The following LGI2 variants were observed in gnomAD, a reference collection of about 807,000 sequenced individuals.
The protein encoded by LGI2 is leucine rich repeat LGI family member 2.
Under a neutral mutation model 52.0 loss-of-function variants are expected in LGI2, and 30 were observed. The ratio of observed to expected loss-of-function variants is 0.58; its 90% CI spans 0.43 to 0.78. The LOEUF is 0.78. LGI2 is among the 30% of genes least tolerant of loss of function. The probability of loss-of-function intolerance (pLI) is 0.00; values close to 1 mark genes in which losing one functional copy is unlikely to be tolerated. For synonymous variants in LGI2, 270 were observed against 271.8 expected (o/e 0.99, Z 0.06); for missense variants, 573 against 692.5 (o/e 0.83, Z 1.94).
At position 25,008,553 on chromosome 4, in the gene LGI2, C is replaced by CA. The variant is rs33920247; in HGVS notation, c.820+3781dup. On this transcript the variant is annotated intron_variant, in intron 7 of 7. Coordinates refer to ENST00000382114, the MANE Select transcript of LGI2 (RefSeq NM_018176.4). ...GGGTGACAAGAGTGAGACTCTGTCT[C>CA]AAAAAAAAAAAAAAAAAAAAAATCC... 5.4e-3 allele frequency among the ~76,000 whole-genome samples: 464 copies of CA among 85,776 alleles called. 9 individuals carry two copies. The highest frequency in any genetic ancestry group is 0.013 in the African/African-American group (299 of 22,444). The allele number at this position is 85,776 out of a possible 152,430, so 56.3% of individuals were successfully genotyped here.
chr4:25,021,397 T>A (rs2109421209), intron 4 of LGI2, among the ~76,000 whole-genome samples: 1 of 152,354 alleles, frequency 6.6e-6, no homozygotes, highest in South Asian at 2.1e-4. Context: ...TCTCTTTTCC[T>A]ATGCATGTGA....
rs190252513 is a variant in LGI2 at position 25,003,159 on chromosome 4, G to C, written c.*292C>G. 6 of 245,330 alleles carry C rather than the reference G, an allele frequency of 2.4e-5. No individual in the cohort carries two copies. The East Asian group carries it at 5.1e-4, about 21-fold the overall frequency. 15.2% of individuals were successfully genotyped at this position (245,330 alleles called of 1,614,324 possible). On this transcript the variant is annotated 3_prime_UTR_variant, in exon 8 of 8. Coordinates refer to ENST00000382114, the MANE Select transcript of LGI2 (RefSeq NM_018176.4). ...TGTCTTCTTCCTCATCAAAAAGCGGGGGGGAAGCATATTACATTTCTAGAT... is the reference window on the plus strand; with the variant it reads ...TGTCTTCTTCCTCATCAAAAAGCGGCGGGGAAGCATATTACATTTCTAGAT...
At chr4:24,997,632 CT>C (rs1353574706), downstream of LGI2, among the ~76,000 whole-genome samples, 1 of 152,140 alleles carries the variant, frequency 6.6e-6, no homozygotes, top group Non-Finnish European at 1.5e-5. Context: ...TGGATGGTTG[CT>C]TATGGTTAGT....
chr4:25,006,932 A>C (rs925791883), intron 7 of LGI2, among the ~76,000 whole-genome samples: 2 of 152,268 alleles, frequency 1.3e-5, no homozygotes, highest in Admixed American at 1.3e-4. Flanking sequence ...CAGTTGTACT[A>C]TAAATGTGAA....
rs532500826 is a variant in LGI2 at position 25,010,087 on chromosome 4, C to G, written c.820+2248G>C. ...AGAAGGGCAGGAGTTCAAGACCAGC[C>G]TGGCCAACATAGTGAAACCCCGTCT... is the stretch of plus-strand genomic sequence containing the variant. On this transcript the variant is annotated intron_variant, in intron 7 of 7. Transcript: ENST00000382114. Among the ~76,000 whole-genome samples, 3 of 152,144 alleles carry G rather than the reference C, an allele frequency of 2.0e-5. No individual in the cohort carries two copies. In the South Asian group the frequency reaches 6.2e-4, roughly 32 times the overall value.
At position 25,016,229 on chromosome 4, in the gene LGI2, G is replaced by A. The variant is rs1396859404; in HGVS notation, c.655+1760C>T. Among the ~76,000 whole-genome samples the A allele has an allele frequency of 3.9e-5, 6 of 152,174 alleles. No homozygotes were observed. In the East Asian group the frequency reaches 5.8e-4, roughly 15 times the overall value. ...TGTAGAAATTATTTCCTATTCCCAC[G>A]GCCCTATAGCCCATTACTTCCATCA... is the stretch of plus-strand genomic sequence containing the variant. On this transcript the variant is annotated intron_variant, in intron 6 of 7. Transcript: ENST00000382114.
rs955271926 is a variant in LGI2, at chr4:25,004,901, A to G, written c.821-633T>C. ...GGTGGAAGCAACCCAAGTTGCTTCAATGGACAAATAGATAGACAAAATGTG... is the reference window on the plus strand; with the variant it reads ...GGTGGAAGCAACCCAAGTTGCTTCAGTGGACAAATAGATAGACAAAATGTG... On this transcript the variant is annotated intron_variant, in intron 7 of 7. Transcript: ENST00000382114. The surrounding 1 kb of genome is among the most constrained non-coding windows in gnomAD (Gnocchi z 4.6). Among the ~76,000 whole-genome samples the G allele has an allele frequency of 3.3e-5, 5 of 152,242 alleles. No homozygotes were observed. Among genetic ancestry groups the G allele is most frequent in the Non-Finnish European group, 7.3e-5 (5 of 68,046 alleles).
At chr4:25,010,909 C>A (rs948822278) in intron 7 of LGI2, among the ~76,000 whole-genome samples, 1 of 151,898 alleles carries the variant, frequency 6.6e-6, no homozygotes, top group Non-Finnish European at 1.5e-5. Flanking sequence ...ATAGTGAGAC[C>A]CTGTCTCTAC....
chr4:25,030,205 G>A (rs1726292373), intron 1 of LGI2, among the ~76,000 whole-genome samples: 1 of 152,186 alleles, frequency 6.6e-6, no homozygotes, highest in South Asian at 2.1e-4. Flanking sequence ...CAGAGCAGCT[G>A]GATTCTGCAT....
At chr4:25,013,897 A>T (rs559119070) in intron 6 of LGI2, among the ~76,000 whole-genome samples, 1 of 152,218 alleles carries the variant, frequency 6.6e-6, no homozygotes, top group African/African-American at 2.4e-5. Context: ...TGGCACTAGC[A>T]GTGCCAACAG....
In LGI2 at chr4:25,016,485, C is replaced by G. The variant is rs903676450; in HGVS notation, c.655+1504G>C. On this transcript the variant is annotated intron_variant, in intron 6 of 7. Coordinates refer to ENST00000382114, the MANE Select transcript of LGI2 (RefSeq NM_018176.4). ...TGGTGCAAATGTTATCGACTACGAC[C>G]TCTGATTTATTGTCCTGGCCCTAAA... 1.4e-4 allele frequency among the ~76,000 whole-genome samples: 22 copies of G among 152,186 alleles called. 1 individual carries two copies. The highest frequency in any genetic ancestry group is 2.6e-4 in the Admixed American group (4 of 15,278).
At chr4:25,025,037 T>C (rs746046507) in intron 3 of LGI2, 146 bp from the exon 4 acceptor site, 8 of 575,186 alleles carry the variant, frequency 1.4e-5, no homozygotes, top group Admixed American at 3.4e-5. Context: ...CTACACCAAA[T>C]TCCATGTGGT....
rs757326545 is a variant in LGI2, at chr4:25,003,350, T to A, written c.*101A>T. Reference sequence around the variant, plus strand: ...TCTAACTATTTCAGTGCTTTTTAATTTCAGAGCTCTGAGCCTGGCTTTGAT... The same window carrying A: ...TCTAACTATTTCAGTGCTTTTTAATATCAGAGCTCTGAGCCTGGCTTTGAT... On this transcript the variant is annotated 3_prime_UTR_variant, in exon 8 of 8. Transcript: ENST00000382114. The A allele has an allele frequency of 1.3e-5, 11 of 836,344 alleles. No homozygotes were observed. The highest frequency in any genetic ancestry group is 2.0e-5 in the Non-Finnish European group (11 of 546,740). 51.8% of individuals were successfully genotyped at this position (836,344 alleles called of 1,614,324 possible). A position where few individuals can be genotyped will look rare whatever the true frequency, so the allele number is the denominator to read the frequency against.
chr4:25,011,081 C>CAAA (rs35953611), intron 7 of LGI2, among the ~76,000 whole-genome samples: 1 of 136,966 alleles, frequency 7.3e-6, no homozygotes. Context: ...GAGCCTGTCT[C>CAAA]AAAAAAAAAA....
rs778734753 is a variant in LGI2, at chr4:25,019,223, G to A, written c.429C>T (p.Asn143=). Residue 143 remains asparagine, a synonymous_variant, in exon 5 of 8, where the codon AAC becomes AAT. Transcript: ENST00000382114. ...RDLTHLSLAN[N]HIKALPRDVF... ...CATCCCTTGGTAGTGCTTTTATGTG[G>A]TTATTGGCCAAAGAACTAGAACAAG... The A allele has an allele frequency of 1.9e-6, 3 of 1,607,302 alleles. No individual in the cohort carries two copies. The highest frequency in any genetic ancestry group is 2.6e-6 in the Non-Finnish European group (3 of 1,175,804).
At position 25,028,095 on chromosome 4, in the gene LGI2, T is replaced by C. The variant is rs910658233; in HGVS notation, c.269+412A>G. ...TTACGCACGTAAGTTCATAGGATGC[T>C]GCCTGACTGGTTTAAGTTCTCAGCA... On this transcript the variant is annotated intron_variant, in intron 2 of 7. Transcript: ENST00000382114. 1.3e-4 allele frequency among the ~76,000 whole-genome samples: 20 copies of C among 152,368 alleles called. No individual in the cohort carries two copies. The East Asian group carries it at 2.9e-3, about 22-fold the overall frequency.
intron 4 of LGI2, among the ~76,000 whole-genome samples, chr4:25,020,826 T>A (rs907997532): frequency 1.3e-5 from 2 of 152,360 alleles, no homozygotes; most frequent in South Asian, 2.1e-4. Context: ...TAAAATTTCA[T>A]GTACTCTTTT....
At chr4:25,005,208 T>G (rs1310939265) in intron 7 of LGI2, among the ~76,000 whole-genome samples, 2 of 152,222 alleles carry the variant, frequency 1.3e-5, no homozygotes, top group Non-Finnish European at 2.9e-5. Flanking sequence ...CGTTTGGACG[T>G]TAGTTGTACA....
chr4:25,009,063 C>G (rs1222765113), intron 7 of LGI2, among the ~76,000 whole-genome samples: 1 of 152,180 alleles, frequency 6.6e-6, no homozygotes, highest in Non-Finnish European at 1.5e-5. Context: ...TATGTTTGAC[C>G]CGGTAGCTGG....
Sources: gnomAD v4.1 joint callset for allele counts (sites outside exome capture counted in the v4.1 genomes callset) on GRCh38, gnomAD v4.1.1 for gene constraint, Gnocchi (gnomAD v3.1) non-coding constraint, MANE v1.5 for transcripts, NCBI Gene and HGNC (gene_info 2026-07-23, HGNC 2026-07-21) for gene names.